DTNB: variants seen among roughly 807,000 people sequenced by gnomAD.
DTNB encodes DTN-B.
In DTNB, 63 loss-of-function variants were observed where a neutral mutation model predicts 90.7. The ratio of observed to expected loss-of-function variants is 0.69; its 90% confidence interval spans 0.57 to 0.86. The LOEUF (loss-of-function observed/expected upper bound fraction) is 0.86. Among genes scored for constraint, DTNB ranks in the 40% least tolerant of loss-of-function variants. DTNB has a pLI of 0.00. For missense variants in DTNB, 744 were observed against 807.1 expected, an observed-to-expected ratio of 0.92 and a Z score of 0.95; for synonymous variants, 277 against 286.7, an observed-to-expected ratio of 0.97 and a Z score of 0.34.
intron 10 of DTNB, among the ~76,000 whole-genome samples, chr2:25,460,902 G>GTTT (rs35276903): frequency 4.8e-5 from 7 of 145,512 alleles, no homozygotes; most frequent in Admixed American, 6.9e-5. Flanking sequence ...AAGGTTTTTT[G>GTTT]TTTTTTTTTT....
At chr2:25,566,538 G>A (rs960376810) in intron 8 of DTNB, among the ~76,000 whole-genome samples, 7 of 152,210 alleles carry the variant, frequency 4.6e-5, no homozygotes, top group African/African-American at 1.7e-4. Flanking sequence ...GATAATCACA[G>A]TTTATGCATG....
chr2:25,454,737 A>G (rs1228453420), intron 11 of DTNB, among the ~76,000 whole-genome samples: 1 of 152,232 alleles, frequency 6.6e-6, no homozygotes, highest in Non-Finnish European at 1.5e-5. Context: ...ACCACTGAAG[A>G]ATCAGACACA....
At chr2:25,488,640 C>T (rs949010044) in intron 9 of DTNB, among the ~76,000 whole-genome samples, 3 of 152,076 alleles carry the variant, frequency 2.0e-5, no homozygotes, top group African/African-American at 7.2e-5. Context: ...ACACTAAAAA[C>T]GTGCATTTAC....
chr2:25,447,939 G>A (rs2058677821), intron 12 of DTNB, among the ~76,000 whole-genome samples: 3 of 152,132 alleles, frequency 2.0e-5, no homozygotes, highest in African/African-American at 7.2e-5. Context: ...CCTGACAATT[G>A]ACATTCAAGC....
intron 10 of DTNB, among the ~76,000 whole-genome samples, chr2:25,480,333 C>T (rs1394770331): frequency 5.9e-5 from 9 of 152,184 alleles, no homozygotes; most frequent in Admixed American, 5.9e-4. Context: ...ACGATAACCA[C>T]CTCTAGGGTG....
chr2:25,505,253 AGCCTCTCCACTCAAG>A (rs2072090548), intron 9 of DTNB, among the ~76,000 whole-genome samples: 1 of 152,166 alleles, frequency 6.6e-6, no homozygotes, highest in Admixed American at 6.5e-5. Flanking sequence ...ACACTCTTCC[AGCCTCTCCACTCAAG>A]GCCTCCTCTG....
chr2:25,418,255 G>A (rs184591902), intron 16 of DTNB, among the ~76,000 whole-genome samples: 207 of 152,100 alleles, frequency 1.4e-3, no homozygotes, highest in South Asian at 5.4e-3. Flanking sequence ...TGTCTCCTCC[G>A]TACCCTCTTC....
chr2:25,644,366 G>A (rs185253638), intron 2 of DTNB, among the ~76,000 whole-genome samples: 10 of 152,028 alleles, frequency 6.6e-5, no homozygotes, highest in Non-Finnish European at 1.0e-4. Context: ...GGGGAGAGGA[G>A]GAAAAAAGGA....
chr2:25,598,494 T>C (rs1041381577), intron 5 of DTNB, among the ~76,000 whole-genome samples: 1 of 152,210 alleles, frequency 6.6e-6, no homozygotes, highest in African/African-American at 2.4e-5. Context: ...ACTCTACTAT[T>C]ACAGCTTAGA....
Position 25,427,587 on chromosome 2 carries a change from T to C in DTNB, c.1502A>G (p.Glu501Gly). The C allele has an allele frequency of 6.2e-7, 1 of 1,613,786 alleles. No individual in the cohort carries two copies. Among genetic ancestry groups the C allele is most frequent in the African/African-American group, 1.3e-5 (1 of 75,044 alleles). ...CTGGACCATCAGCTCCCGCCTGCTCTCCTGCAGGGCCGACATCCTCTGCTC... is the reference window on the plus strand; with the variant it reads ...CTGGACCATCAGCTCCCGCCTGCTCCCCTGCAGGGCCGACATCCTCTGCTC... ...ELEQRMSALQ[E>G]SRRELMVQLE... Residue 501 changes from glutamate (E) to glycine (G), a missense_variant, in exon 15 of 21, where the codon GAG (glutamate) becomes GGG (glycine). Physicochemically the swap from Glu to Gly is moderately conservative, Grantham distance 98. Transcript: ENST00000406818.
rs1207305949 is a variant in DTNB, at chr2:25,576,950, C to T, written c.764G>A (p.Arg255Gln). 8 of 1,611,978 alleles carry T rather than the reference C, an allele frequency of 5.0e-6. No homozygotes were observed. The African/African-American group carries it at 8.0e-5, about 16-fold the overall frequency. Residue 255 changes from arginine (R) to glutamine (Q), a missense_variant, in exon 8 of 21, where the codon CGG (arginine) becomes CAG (glutamine). Arg to Gln is a conservative substitution (Grantham distance 43). Transcript: ENST00000406818. ...YCRCESMMGF[R>Q]YRCQQCHNYQ... ...GTTGTGGCACTGCTGGCATCGGTAC[C>T]GGAAACCCATCATACTCTCACATCG... is the stretch of plus-strand genomic sequence containing the variant.
Position 25,433,690 on chromosome 2 carries a change from G to C in DTNB, c.1343+220C>G, listed in dbSNP as rs201210164. ...GAGGCCCTGCTAAAAGGAATCCCCC[G>C]AGGGCAGGTGAGCAGAGCTGTGGAC... On this transcript the variant is annotated intron_variant, in intron 13 of 20. Coordinates refer to ENST00000406818, the MANE Select transcript of DTNB (RefSeq NM_021907.5). Among the ~76,000 whole-genome samples, 8 of 152,146 alleles carry C rather than the reference G, an allele frequency of 5.3e-5. No homozygotes were observed. The South Asian group carries it at 1.0e-3, about 20-fold the overall frequency.
chr2:25,380,212 G>A (rs1268721284), intron 19 of DTNB, among the ~76,000 whole-genome samples: 1 of 152,158 alleles, frequency 6.6e-6, no homozygotes, highest in Non-Finnish European at 1.5e-5. Flanking sequence ...TATTACGTCA[G>A]TATGGTTTCA....
rs1294368070 is a variant in DTNB, at chr2:25,634,160, C to T, written c.148+4854G>A. On this transcript the variant is annotated intron_variant, in intron 3 of 20. Coordinates refer to ENST00000406818, the MANE Select transcript of DTNB (RefSeq NM_021907.5). ...GCCGCCCCATCCGGGAGGTGAAGGGCGCCTCTGCCCGGCCGCCCCTACTGG... is the reference window on the plus strand; with the variant it reads ...GCCGCCCCATCCGGGAGGTGAAGGGTGCCTCTGCCCGGCCGCCCCTACTGG... 7.0e-5 allele frequency among the ~76,000 whole-genome samples: 10 copies of T among 143,680 alleles called. 1 individual carries two copies. The highest frequency in any genetic ancestry group is 2.4e-4 in the African/African-American group (9 of 37,972). The allele number at this position is 143,680 out of a possible 152,430, so 94.3% of individuals were successfully genotyped here.
At chr2:25,525,285 G>A (rs558154624) in intron 9 of DTNB, among the ~76,000 whole-genome samples, 5 of 152,218 alleles carry the variant, frequency 3.3e-5, no homozygotes, top group South Asian at 4.1e-4. Flanking sequence ...AAAGGAAAGC[G>A]TGATTAGATG....
intron 18 of DTNB, chr2:25,385,944 G>A (rs968184683): frequency 5.5e-6 from 5 of 907,700 alleles, no homozygotes; most frequent in South Asian, 5.0e-5. Context: ...CCCATGGCCC[G>A]AAATTCCCTG....
chr2:25,439,496 C>T (rs1434018686), intron 12 of DTNB, among the ~76,000 whole-genome samples: 2 of 151,856 alleles, frequency 1.3e-5, no homozygotes, highest in Admixed American at 6.6e-5. Flanking sequence ...AGTGAGACCC[C>T]GTCTCAAAAT....
chr2:25,412,177 A>C (rs1263302650), intron 16 of DTNB, among the ~76,000 whole-genome samples: 1 of 152,226 alleles, frequency 6.6e-6, no homozygotes, highest in Non-Finnish European at 1.5e-5. Context: ...ATTGCTAACT[A>C]AACATTAAGT....
intron 16 of DTNB, among the ~76,000 whole-genome samples, chr2:25,401,947 C>T (rs995632086): frequency 5.3e-5 from 8 of 152,098 alleles, no homozygotes; most frequent in African/African-American, 1.7e-4. Flanking sequence ...TCTTTGCTGC[C>T]GATTTTCAGA....
Sources: allele counts gnomAD v4.1 joint callset (sites outside exome capture counted in the v4.1 genomes callset), GRCh38; gene constraint gnomAD v4.1.1; transcripts MANE v1.5; gene names NCBI Gene and HGNC (gene_info 2026-07-23, HGNC 2026-07-21).